Variants in FOXN3 observed in about 807,000 individuals in gnomAD.
FOXN3 encodes forkhead box protein N3.
In FOXN3, 7 loss-of-function variants were observed where a neutral mutation model predicts 38.4. That is an observed-to-expected ratio of 0.18 (90% CI 0.10 to 0.34). The LOEUF (loss-of-function observed/expected upper bound fraction) is 0.34. Among genes scored for constraint, FOXN3 ranks in the 10% least tolerant of loss-of-function variants. FOXN3 has a pLI of 1.00. For missense variants in FOXN3, 456 were observed against 613.4 expected, an observed-to-expected ratio of 0.74 and a Z score of 2.71; for synonymous variants, 230 against 242.2, an observed-to-expected ratio of 0.95 and a Z score of 0.47.
intron 4 of FOXN3, among the ~76,000 whole-genome samples, chr14:89,187,611 A>C (rs1408311319): frequency 6.6e-6 from 1 of 152,192 alleles, no homozygotes; most frequent in African/African-American, 2.4e-5. Context: ...CTCCCTTAAG[A>C]AGGCAAAGGA....
intron 2 of FOXN3, among the ~76,000 whole-genome samples, chr14:89,378,038 G>T (rs1260141960): frequency 1.3e-5 from 2 of 152,186 alleles, no homozygotes; most frequent in Non-Finnish European, 2.9e-5. Flanking sequence ...CCAACATCCA[G>T]AACTGTGAGA....
intron 4 of FOXN3, among the ~76,000 whole-genome samples, chr14:89,206,139 T>C (rs1415772553): frequency 3.9e-5 from 6 of 152,222 alleles, no homozygotes; most frequent in Non-Finnish European, 1.5e-5. Flanking sequence ...CTGTTGCTTA[T>C]AAGCCACCCA....
At position 89,313,513 on chromosome 14, in the gene FOXN3, A is replaced by G. The variant is rs527256254; in HGVS notation, c.681-32499T>C. Among the ~76,000 whole-genome samples the G allele has an allele frequency of 1.6e-4, 24 of 152,094 alleles. No homozygotes were observed. The East Asian group carries it at 4.6e-3, about 29-fold the overall frequency. On this transcript the variant is annotated intron_variant, in intron 3 of 5. Transcript: ENST00000557258. ...GAGAAGGTTGCAGTGAGCCGAGATC[A>G]TGGCACTGCATCCAGCCTGGGCAAC...
chr14:89,552,067 C>G (rs1895015300), intron 1 of FOXN3, among the ~76,000 whole-genome samples: 1 of 152,186 alleles, frequency 6.6e-6, no homozygotes, highest in East Asian at 1.9e-4. Flanking sequence ...GAGCCAAACA[C>G]TTGAAGGAAA....
chr14:89,265,254 AG>A (rs1248552587), intron 4 of FOXN3, among the ~76,000 whole-genome samples: 2 of 152,224 alleles, frequency 1.3e-5, no homozygotes, highest in African/African-American at 2.4e-5. Flanking sequence ...TGGGAAAACC[AG>A]GAACAGTGAT....
At chr14:89,480,583 A>AG in intron 1 of FOXN3, among the ~76,000 whole-genome samples, 1 of 151,920 alleles carries the variant, frequency 6.6e-6, no homozygotes, top group South Asian at 2.1e-4. Flanking sequence ...ATTCATTCAG[A>AG]GGGAAAAAAA....
intron 1 of FOXN3, among the ~76,000 whole-genome samples, chr14:89,442,089 G>T (rs1892399887): frequency 6.6e-6 from 1 of 152,058 alleles, no homozygotes; most frequent in South Asian, 2.1e-4. Flanking sequence ...ACCACGCTTG[G>T]CTAATTTTGT....
chr14:89,298,978 C>T (rs141184082), intron 3 of FOXN3, among the ~76,000 whole-genome samples: 1 of 148,404 alleles, frequency 6.7e-6, no homozygotes, highest in Non-Finnish European at 1.5e-5. Context: ...TCTCTGAGCC[C>T]TAAAAGTGCT....
chr14:89,324,443 C>CGTGTGTGT (rs71130053), intron 3 of FOXN3, among the ~76,000 whole-genome samples: 66 of 143,486 alleles, frequency 4.6e-4, no homozygotes, highest in Admixed American at 1.7e-3. Context: ...TAAGTGTGTG[C>CGTGTGTGT]GTGTGTGTGT....
intron 4 of FOXN3, among the ~76,000 whole-genome samples, chr14:89,276,566 G>C (rs1886306658): frequency 6.6e-6 from 1 of 152,232 alleles, no homozygotes; most frequent in South Asian, 2.1e-4. Context: ...AGAAGGGCTA[G>C]GACTCGTGGT....
chr14:89,435,105 G>A (rs1027611369), intron 1 of FOXN3, among the ~76,000 whole-genome samples: 2 of 152,188 alleles, frequency 1.3e-5, no homozygotes, highest in African/African-American at 4.8e-5. Context: ...CCTGGGGCCA[G>A]ACACAGTGGC....
At chr14:89,358,199 G>A (rs1187269710) in intron 2 of FOXN3, among the ~76,000 whole-genome samples, 4 of 152,162 alleles carry the variant, frequency 2.6e-5, no homozygotes, top group African/African-American at 4.8e-5. Context: ...ACAGATAAAC[G>A]TGGCTGGGCT....
chr14:89,163,078 T>C lies in FOXN3; in HGVS notation c.852-109A>G. On this transcript the variant is annotated intron_variant, in intron 5 of 5. Coordinates refer to ENST00000557258, the MANE Select transcript of FOXN3 (RefSeq NM_005197.4). The surrounding 1 kb of genome is among the most constrained non-coding windows in gnomAD (Gnocchi z 4.3). ...CGCCTGCATTCAACCATCAGTCCCT[T>C]TGTGTTCAATGGAGCCACTCGCAAA... 2 of 1,051,324 alleles carry C rather than the reference T, an allele frequency of 1.9e-6. No homozygotes were observed. Among genetic ancestry groups the C allele is most frequent in the South Asian group, 2.0e-5 (1 of 51,042 alleles). The allele number at this position is 1,051,324 out of a possible 1,614,324, so 65.1% of individuals were successfully genotyped here.
chr14:89,302,907 A>C (rs998908046), intron 3 of FOXN3, among the ~76,000 whole-genome samples: 2 of 152,212 alleles, frequency 1.3e-5, no homozygotes, highest in African/African-American at 2.4e-5. Flanking sequence ...CTTTCCAGGG[A>C]GGACACTTTA....
chr14:89,364,978 T>A (rs1890094515), intron 2 of FOXN3, among the ~76,000 whole-genome samples: 1 of 152,184 alleles, frequency 6.6e-6, no homozygotes, highest in Admixed American at 6.5e-5. Flanking sequence ...TCTGCTTGCA[T>A]CAACACCTAA....
intron 3 of FOXN3, among the ~76,000 whole-genome samples, chr14:89,317,156 A>G (rs1263657410): frequency 6.6e-6 from 1 of 152,252 alleles, no homozygotes; most frequent in Non-Finnish European, 1.5e-5. Flanking sequence ...TAAGTAAAAC[A>G]GTAAAAGCAA....
intron 1 of FOXN3, among the ~76,000 whole-genome samples, chr14:89,524,174 A>T (rs1894379618): frequency 6.8e-6 from 1 of 147,736 alleles, no homozygotes; most frequent in Non-Finnish European, 1.5e-5. Flanking sequence ...GGAGATCGAG[A>T]CCATCCTGGC....
intron 1 of FOXN3, among the ~76,000 whole-genome samples, chr14:89,546,486 C>T (rs752621124): frequency 3.3e-5 from 5 of 150,606 alleles, no homozygotes; most frequent in African/African-American, 4.9e-5. Flanking sequence ...CCTGCCACCA[C>T]GCCCGGCTAA....
intron 2 of FOXN3, among the ~76,000 whole-genome samples, chr14:89,385,105 A>G (rs374437861): frequency 2.0e-4 from 31 of 152,288 alleles, no homozygotes; most frequent in African/African-American, 6.3e-4. Flanking sequence ...AGAATTTGGA[A>G]TATTTGCTTT....
Sources: allele counts gnomAD v4.1 joint callset (sites outside exome capture counted in the v4.1 genomes callset), GRCh38; gene constraint gnomAD v4.1.1; non-coding constraint Gnocchi (gnomAD v3.1); transcripts MANE v1.5; gene names NCBI Gene and HGNC (gene_info 2026-07-23, HGNC 2026-07-21).